The following RNF144A variants were observed in gnomAD, a reference collection of about 807,000 sequenced individuals.
The protein encoded by RNF144A is ring finger protein 144A.
A neutral mutation model predicts 38.7 loss-of-function variants in RNF144A; 11 were observed. The ratio of observed to expected loss-of-function variants is 0.28; its 90% CI spans 0.18 to 0.47. The LOEUF (loss-of-function observed/expected upper bound fraction) is 0.47. Among genes scored for constraint, RNF144A ranks in the 20% least tolerant of loss-of-function variants. The probability of loss-of-function intolerance (pLI) is 0.99; values close to 1 mark genes in which losing one functional copy is unlikely to be tolerated. For synonymous variants in RNF144A, 149 were observed against 143.9 expected, an observed-to-expected ratio of 1.04 and a Z score of -0.25; for missense variants, 316 against 377.2, an observed-to-expected ratio of 0.84 and a Z score of 1.34.
intron 2 of RNF144A, among the ~76,000 whole-genome samples, chr2:6,956,378 G>T (rs1667001499): frequency 6.6e-6 from 1 of 152,158 alleles, no homozygotes; most frequent in Non-Finnish European, 1.5e-5. Context: ...GAGAGTCAGA[G>T]GTGCCTCCAG....
chr2:6,970,789 A>C (rs531951705), intron 2 of RNF144A, among the ~76,000 whole-genome samples: 1 of 152,278 alleles, frequency 6.6e-6, no homozygotes, highest in South Asian at 2.1e-4. Context: ...TTTCTGCACA[A>C]GGCACAGGAC....
At chr2:7,073,604 G>A in the RNF144A span, among the ~76,000 whole-genome samples, 1 of 152,188 alleles carries the variant, frequency 6.6e-6, no homozygotes, top group East Asian at 1.9e-4. Flanking sequence ...GGAGGAACCC[G>A]ATGCCTGGCC....
chr2:6,996,925 C>T lies in RNF144A; in HGVS notation c.-2C>T, dbSNP rs780372850. On this transcript the variant is annotated 5_prime_UTR_variant, in exon 3 of 9. Coordinates refer to ENST00000320892, the MANE Select transcript of RNF144A (RefSeq NM_014746.6). The stretch of plus-strand genomic sequence containing the variant: ...GCTTCTCTCGTTTCAGACTGTTCTG[C>T]GATGACCACAACAAGGTACCGGCCC... 1.4e-5 allele frequency: 23 copies of T among 1,613,468 alleles called. No homozygotes were observed. Among genetic ancestry groups the T allele is most frequent in the Non-Finnish European group, 1.8e-5 (21 of 1,179,820 alleles).
At chr2:7,015,336 C>G (rs900948980) in intron 5 of RNF144A, among the ~76,000 whole-genome samples, 3 of 152,182 alleles carry the variant, frequency 2.0e-5, no homozygotes, top group African/African-American at 7.2e-5. Context: ...TTGTCATTAT[C>G]TAATAAACGG....
Position 7,023,463 on chromosome 2 carries a change from C to T in RNF144A, c.510-906C>T, listed in dbSNP as rs61529658. Among the ~76,000 whole-genome samples, 4 of 152,252 alleles carry T rather than the reference C, an allele frequency of 2.6e-5. No homozygotes were observed. In the East Asian group the frequency reaches 5.8e-4, roughly 22 times the overall value. ...CCGAGAAGGAGGGATGCATTTTCTC[C>T]TGCTGATGTTTGTTTGATATAGTGA... On this transcript the variant is annotated intron_variant, in intron 6 of 8. Coordinates refer to ENST00000320892, the MANE Select transcript of RNF144A (RefSeq NM_014746.6).
chr2:7,060,795 T>A (rs1558470186), intron 6 of RNF144A, among the ~76,000 whole-genome samples: 2 of 152,336 alleles, frequency 1.3e-5, no homozygotes, highest in East Asian at 3.9e-4. Flanking sequence ...GTCATCCACC[T>A]GACCCCATCG....
chr2:6,942,175 T>C (rs1238983391), intron 2 of RNF144A, among the ~76,000 whole-genome samples: 1 of 148,802 alleles, frequency 6.7e-6, no homozygotes. Context: ...TTGGAGAGAG[T>C]GAAGGATAAG....
chr2:7,016,941 C>A (rs1411160632), intron 5 of RNF144A, among the ~76,000 whole-genome samples: 1 of 152,180 alleles, frequency 6.6e-6, no homozygotes, highest in Admixed American at 6.5e-5. Context: ...GTTTTAGCGT[C>A]AATGTCTTCC....
In RNF144A at chr2:7,024,398, C is replaced by T. The variant is rs545761424; in HGVS notation, c.539C>T (p.Ala180Val). 1.6e-5 allele frequency: 26 copies of T among 1,609,514 alleles called. No homozygotes were observed. Among genetic ancestry groups the T allele is most frequent in the Middle Eastern group, 1.7e-4 (1 of 6,058 alleles). Residue 180 changes from alanine to valine, a missense_variant, in exon 7 of 9, where the codon GCG (alanine) becomes GTG (valine). Transcript: ENST00000320892. ...GCTTTCAAAATGGAAGAAGATGACG[C>T]GCCCATCAAGCGCTGCCCCAAGTGC... ...SAAFKMEEDD[A>V]PIKRCPKCKV...
chr2:6,960,501 G>A lies in RNF144A; in HGVS notation c.-12+19354G>A, dbSNP rs77619500. On this transcript the variant is annotated intron_variant, in intron 2 of 8. Coordinates refer to ENST00000320892, the MANE Select transcript of RNF144A (RefSeq NM_014746.6). The stretch of plus-strand genomic sequence containing the variant: ...TGAGAGTGGCCAAGGTTGTGTTCTG[G>A]AAAGTGATGGTCACAACACACAACC... Among the ~76,000 whole-genome samples, 457 of 152,284 alleles carry A rather than the reference G, an allele frequency of 3.0e-3. 3 individuals carry two copies. Among genetic ancestry groups the A allele is most frequent in the African/African-American group, 0.011 (441 of 41,560 alleles).
At chr2:6,989,302 A>AGACCT (rs139931051) in intron 2 of RNF144A, among the ~76,000 whole-genome samples, 4 of 80,860 alleles carry the variant, frequency 4.9e-5, no homozygotes, top group African/African-American at 1.5e-4. Flanking sequence ...TGCTTATCTG[A>AGACCT]GACCTTCCAC....
At chr2:6,967,151 G>A (rs1032644794) in intron 2 of RNF144A, among the ~76,000 whole-genome samples, 5 of 151,986 alleles carry the variant, frequency 3.3e-5, no homozygotes, top group African/African-American at 9.7e-5. Context: ...GTTTCCCATG[G>A]TCACCCGCCG....
At chr2:7,051,212 G>C (rs889515215) in intron 6 of RNF144A, among the ~76,000 whole-genome samples, 1 of 152,144 alleles carries the variant, frequency 6.6e-6, no homozygotes, top group Non-Finnish European at 1.5e-5. Context: ...AGCACAGATT[G>C]GGAGGGAATG....
At chr2:6,983,627 T>A (rs926321296) in intron 2 of RNF144A, among the ~76,000 whole-genome samples, 4 of 152,196 alleles carry the variant, frequency 2.6e-5, no homozygotes, top group Non-Finnish European at 5.9e-5. Flanking sequence ...CCCACTCTCC[T>A]GGAGGATTTC....
chr2:7,057,242 T>C (rs1361572692), intron 6 of RNF144A, among the ~76,000 whole-genome samples: 10 of 152,216 alleles, frequency 6.6e-5, no homozygotes, highest in Admixed American at 6.5e-4. Flanking sequence ...CCTAAGTTAT[T>C]GATGATTAAC....
rs1435073458 is a variant in RNF144A at position 6,941,831 on chromosome 2, T to C, written c.-12+684T>C. Among the ~76,000 whole-genome samples the C allele has an allele frequency of 6.6e-6, 1 of 152,240 alleles. No homozygotes were observed. The highest frequency in any genetic ancestry group is 1.5e-5 in the Non-Finnish European group (1 of 68,048). The stretch of plus-strand genomic sequence containing the variant: ...CGCTGTAGACAGAAGGGCTGGTGGC[T>C]GCAGCATACGGACAGCTGGAGGAGC... On this transcript the variant is annotated intron_variant, in intron 2 of 8. Transcript: ENST00000320892. This position sits in a 1 kb window ranked among gnomAD's most constrained non-coding sequence, Gnocchi z 6.5.
chr2:7,057,030 A>C (rs1443564638), intron 6 of RNF144A, among the ~76,000 whole-genome samples: 1 of 152,190 alleles, frequency 6.6e-6, no homozygotes, highest in Non-Finnish European at 1.5e-5. Context: ...GGGTCCTGCC[A>C]GTCTGGTGTT....
At chr2:7,034,895 T>C (rs1672561687) in intron 8 of RNF144A, among the ~76,000 whole-genome samples, 1 of 151,508 alleles carries the variant, frequency 6.6e-6, no homozygotes, top group African/African-American at 2.4e-5. Context: ...AGGGGCAGAG[T>C]CGTGATTGGC....
At chr2:6,939,404 A>C (rs982929899) in intron 1 of RNF144A, among the ~76,000 whole-genome samples, 3 of 152,152 alleles carry the variant, frequency 2.0e-5, no homozygotes, top group African/African-American at 7.2e-5. Flanking sequence ...TGTCTATTTA[A>C]ATCCTTTGCC....
Sources: gnomAD v4.1 joint callset for allele counts (sites outside exome capture counted in the v4.1 genomes callset) on GRCh38, gnomAD v4.1.1 for gene constraint, Gnocchi (gnomAD v3.1) non-coding constraint, MANE v1.5 for transcripts, NCBI Gene and HGNC (gene_info 2026-07-23, HGNC 2026-07-21) for gene names.